Variants in PDE1C observed in about 807,000 individuals in gnomAD.
The protein encoded by PDE1C is phosphodiesterase 1C.
Under a neutral mutation model 93.1 loss-of-function variants are expected in PDE1C, and 62 were observed. The ratio of observed to expected loss-of-function variants is 0.67; its 90% CI spans 0.54 to 0.82. PDE1C has a LOEUF of 0.82. PDE1C is among the 40% of genes least tolerant of loss of function. PDE1C has a pLI of 0.00. For synonymous variants in PDE1C, 325 were observed against 310.1 expected (o/e 1.05, Z -0.50); for missense variants, 742 against 884.6 (o/e 0.84, Z 2.04).
chr7:31,937,380 T>C (rs185533522), intron 2 of PDE1C, among the ~76,000 whole-genome samples: 74 of 152,300 alleles, frequency 4.9e-4, no homozygotes, highest in Admixed American at 2.0e-3. Context: ...AGGTTGGAAT[T>C]TGGTATCTTA....
At chr7:31,829,628 C>T (rs1790127392) in intron 11 of PDE1C, among the ~76,000 whole-genome samples, 1 of 152,176 alleles carries the variant, frequency 6.6e-6, no homozygotes, top group African/African-American at 2.4e-5. Context: ...ACAGTGGGGT[C>T]ACAATGGGAG....
chr7:31,931,974 C>A (rs1237887512), intron 2 of PDE1C, among the ~76,000 whole-genome samples: 1 of 152,158 alleles, frequency 6.6e-6, no homozygotes, highest in Non-Finnish European at 1.5e-5. Flanking sequence ...GGAAAGGATT[C>A]CCTATTTAAT....
At chr7:32,304,015 C>A (rs899433278), upstream of PDE1C, among the ~76,000 whole-genome samples, 11 of 152,094 alleles carry the variant, frequency 7.2e-5, no homozygotes, top group Non-Finnish European at 1.5e-4. Context: ...GTGAGGGAGA[C>A]CAGAACAACT....
At position 31,959,428 on chromosome 7, in the gene PDE1C, G is replaced by A. The variant is rs114917816; in HGVS notation, c.129-78568C>T. Reference sequence around the variant, plus strand: ...AAGGCTTCACTATGATGGCCAGGCTGGTCTTAAACTCCTGGCCTCAAGTGA... The same window carrying A: ...AAGGCTTCACTATGATGGCCAGGCTAGTCTTAAACTCCTGGCCTCAAGTGA... On this transcript the variant is annotated intron_variant, in intron 2 of 17. Transcript: ENST00000396191. 4.6e-3 allele frequency among the ~76,000 whole-genome samples: 700 copies of A among 152,224 alleles called. 8 individuals carry two copies. The highest frequency in any genetic ancestry group is 0.016 in the African/African-American group (651 of 41,534).
chr7:32,285,218 T>C (rs1811925145), intron 1 of PDE1C, among the ~76,000 whole-genome samples: 1 of 152,116 alleles, frequency 6.6e-6, no homozygotes, highest in Non-Finnish European at 1.5e-5. Context: ...TTCCTCTTCT[T>C]TAAAACTCCA....
chr7:32,374,193 A>AG (rs1784383575), intron 1 of PDE1C, among the ~76,000 whole-genome samples: 1 of 144,122 alleles, frequency 6.9e-6, no homozygotes, highest in Admixed American at 6.9e-5. Context: ...AAAGAAAGAA[A>AG]GAGAGGGAAA....
chr7:32,004,111 C>T (rs1177274247), intron 2 of PDE1C, among the ~76,000 whole-genome samples: 2 of 152,070 alleles, frequency 1.3e-5, no homozygotes, highest in African/African-American at 4.8e-5. Flanking sequence ...AATGAGGACT[C>T]GAACTCAGTT....
intron 16 of PDE1C, chr7:31,808,236 G>T (rs756692406): frequency 1.7e-5 from 8 of 458,798 alleles, no homozygotes; most frequent in Non-Finnish European, 3.4e-5. Context: ...ATGTCTCCAG[G>T]GAGGTATGAT....
At chr7:32,143,369 G>A (rs907942885) in intron 3 of PDE1C, among the ~76,000 whole-genome samples, 3 of 150,772 alleles carry the variant, frequency 2.0e-5, no homozygotes, top group South Asian at 2.1e-4. Flanking sequence ...TAGTGGGAAC[G>A]GCCTGACCTA....
intron 1 of PDE1C, among the ~76,000 whole-genome samples, chr7:32,304,711 G>T (rs1254534572): frequency 1.3e-5 from 2 of 152,056 alleles, no homozygotes; most frequent in Non-Finnish European, 2.9e-5. Flanking sequence ...GCCTCTCTGA[G>T]TCTTAGTTTT....
intron 5 of PDE1C, among the ~76,000 whole-genome samples, chr7:31,876,804 T>A (rs981678149): frequency 6.6e-6 from 1 of 152,144 alleles, no homozygotes; most frequent in Non-Finnish European, 1.5e-5. Flanking sequence ...TTCCTGAGTA[T>A]CCTTCCTGCT....
chr7:32,170,058 T>C, intron 2 of PDE1C: 1 of 1,034,672 alleles, frequency 9.7e-7, no homozygotes, highest in Non-Finnish European at 1.4e-6. Flanking sequence ...GCAGGGAAAT[T>C]TATATATTTC....
At chr7:31,678,462 A>G in the PDE1C span, among the ~76,000 whole-genome samples, 1 of 152,198 alleles carries the variant, frequency 6.6e-6, no homozygotes, top group Non-Finnish European at 1.5e-5. Flanking sequence ...AGATGACATC[A>G]CCAATCAATA....
At chr7:32,118,183 G>C (rs962890214) in intron 3 of PDE1C, among the ~76,000 whole-genome samples, 3 of 152,192 alleles carry the variant, frequency 2.0e-5, no homozygotes, top group Admixed American at 2.0e-4. Flanking sequence ...AGTGGGGAAG[G>C]ATCCTGTGAG....
chr7:32,307,323 A>C (rs1245408562), intron 1 of PDE1C, among the ~76,000 whole-genome samples: 1 of 152,072 alleles, frequency 6.6e-6, no homozygotes, highest in Non-Finnish European at 1.5e-5. Flanking sequence ...CCTTCTCTGT[A>C]TCCTCTGCAT....
At chr7:32,087,579 T>G (rs967485498) in intron 3 of PDE1C, among the ~76,000 whole-genome samples, 3 of 152,062 alleles carry the variant, frequency 2.0e-5, no homozygotes, top group East Asian at 1.9e-4. Context: ...CTATTCACAA[T>G]AGCAAAGACT....
the PDE1C span, chr7:31,658,236 T>C: frequency 9.0e-5 from 132 of 1,469,726 alleles, no homozygotes; most frequent in African/African-American, 1.8e-3. Context: ...AATGTTGCAT[T>C]AGGTTTTGTT....
chr7:32,271,887 G>A (rs1810989965), intron 1 of PDE1C, among the ~76,000 whole-genome samples: 1 of 152,112 alleles, frequency 6.6e-6, no homozygotes, highest in South Asian at 2.1e-4. Flanking sequence ...GCCATGAAGG[G>A]AAGACTTTGG....
intron 2 of PDE1C, among the ~76,000 whole-genome samples, chr7:31,934,808 C>T (rs1393619806): frequency 4.6e-5 from 7 of 152,148 alleles, no homozygotes; most frequent in African/African-American, 1.7e-4. Flanking sequence ...CTCAGGCTTG[C>T]CTGCCGTTCT....
Sources: gnomAD v4.1 joint callset for allele counts (sites outside exome capture counted in the v4.1 genomes callset) on GRCh38, gnomAD v4.1.1 for gene constraint, MANE v1.5 for transcripts, NCBI Gene and HGNC (gene_info 2026-07-23, HGNC 2026-07-21) for gene names.